The following TEX26 variants were observed in gnomAD, a reference collection of about 807,000 sequenced individuals.
TEX26 encodes the protein testis expressed 26.
A neutral mutation model predicts 35.3 loss-of-function variants in TEX26; 34 were observed. The observed-to-expected ratio is 0.96, with a 90% confidence interval of 0.73 to 1.28. The LOEUF (loss-of-function observed/expected upper bound fraction) is 1.28, where lower values mean the gene tolerates loss of function less well. TEX26 is among the 50% of genes most tolerant of loss of function. The probability of loss-of-function intolerance (pLI) is 0.00; values close to 1 mark genes in which losing one functional copy is unlikely to be tolerated. For synonymous variants in TEX26, 136 were observed against 111.8 expected (o/e 1.22, Z -1.36); for missense variants, 371 against 330.1 (o/e 1.12, Z -0.96).
chr13:30,955,157 A>G (rs551252917), intron 3 of TEX26, among the ~76,000 whole-genome samples: 50 of 152,340 alleles, frequency 3.3e-4, no homozygotes, highest in African/African-American at 1.2e-3. Flanking sequence ...ACTAACACTA[A>G]TGATAGCTGA....
At chr13:30,952,227 T>C (rs948924067) in intron 2 of TEX26, among the ~76,000 whole-genome samples, 2 of 152,044 alleles carry the variant, frequency 1.3e-5, no homozygotes, top group East Asian at 3.8e-4. Context: ...TGAGTGGACA[T>C]TGCTGGCCAT....
intron 4 of TEX26, among the ~76,000 whole-genome samples, chr13:30,957,883 C>T (rs1424320551): frequency 1.3e-5 from 2 of 152,292 alleles, no homozygotes; most frequent in South Asian, 2.1e-4. Context: ...GTCAGAGATA[C>T]GGGAGTAATA....
intron 4 of TEX26, among the ~76,000 whole-genome samples, chr13:30,958,638 A>G (rs949084769): frequency 6.6e-6 from 1 of 152,136 alleles, no homozygotes; most frequent in African/African-American, 2.4e-5. Context: ...GCCCCAACAG[A>G]ACCATCAATC....
intron 6 of TEX26, 147 bp from the exon 7 acceptor site, chr13:30,974,699 G>C: frequency 1.5e-6 from 1 of 652,854 alleles, no homozygotes; most frequent in Non-Finnish European, 2.5e-6. Flanking sequence ...TAGGTATTAG[G>C]TATAATAGCC....
At chr13:30,952,625 C>A (rs1663266354) in intron 2 of TEX26, 35 bp from the exon 3 acceptor site, 1 of 1,535,244 alleles carries the variant, frequency 6.5e-7, no homozygotes, top group African/African-American at 1.4e-5. Flanking sequence ...TGGTATTTAA[C>A]CTCTAACTCT....
chr13:30,973,329 A>T (rs772015008), intron 6 of TEX26: 2 of 152,224 alleles, frequency 1.3e-5, no homozygotes, highest in Non-Finnish European at 2.9e-5. Flanking sequence ...AACTGGGAAA[A>T]CTTATCTTTG....
chr13:30,944,674 A>G (rs1459080791), intron 2 of TEX26, among the ~76,000 whole-genome samples: 1 of 151,934 alleles, frequency 6.6e-6, no homozygotes, highest in Non-Finnish European at 1.5e-5. Flanking sequence ...GGGCTTTTTA[A>G]TTTCCATCTT....
At chr13:30,967,879 G>A (rs1395267930) in intron 5 of TEX26, among the ~76,000 whole-genome samples, 1 of 152,218 alleles carries the variant, frequency 6.6e-6, no homozygotes, top group African/African-American at 2.4e-5. Context: ...AATGAGCGAT[G>A]ACTGTAAACA....
chr13:30,968,127 A>G (rs764986429), intron 5 of TEX26, among the ~76,000 whole-genome samples: 1 of 152,200 alleles, frequency 6.6e-6, no homozygotes, highest in South Asian at 2.1e-4. Context: ...AAAGGAGAAA[A>G]GGCATATAAA....
chr13:30,968,652 C>T (rs372000750), intron 5 of TEX26, among the ~76,000 whole-genome samples: 19 of 152,256 alleles, frequency 1.2e-4, no homozygotes, highest in East Asian at 1.9e-4. Flanking sequence ...GGTCATTCTC[C>T]GATCACTGCC....
intron 4 of TEX26, among the ~76,000 whole-genome samples, chr13:30,959,269 C>T (rs1024754712): frequency 7.9e-5 from 12 of 152,226 alleles, no homozygotes; most frequent in African/African-American, 2.7e-4. Flanking sequence ...TACCCCGCCC[C>T]ATCCCTACTC....
At chr13:30,971,917 C>T (rs1954725283) in intron 6 of TEX26, among the ~76,000 whole-genome samples, 1 of 152,176 alleles carries the variant, frequency 6.6e-6, no homozygotes, top group Non-Finnish European at 1.5e-5. Flanking sequence ...ACTGAAACTC[C>T]CACAAATGGC....
At chr13:30,962,624 C>T (rs79398415) in intron 4 of TEX26, among the ~76,000 whole-genome samples, 1 of 152,318 alleles carries the variant, frequency 6.6e-6, no homozygotes, top group East Asian at 1.9e-4. Flanking sequence ...TTCTGAAGAA[C>T]AAGGGCCATG....
chr13:30,936,336 G>A (rs1011810528), intron 1 of TEX26, among the ~76,000 whole-genome samples: 14 of 152,300 alleles, frequency 9.2e-5, no homozygotes, highest in African/African-American at 3.4e-4. Context: ...TTGCTGACCT[G>A]TCATTAGCCA....
Position 30,942,672 on chromosome 13 carries a change from T to C in TEX26, c.146+2894T>C, listed in dbSNP as rs535724429. 2.6e-5 allele frequency among the ~76,000 whole-genome samples: 4 copies of C among 152,168 alleles called. No homozygotes were observed. In the East Asian group the frequency reaches 7.7e-4, roughly 29 times the overall value. On this transcript the variant is annotated intron_variant, in intron 2 of 6. Transcript: ENST00000380473. ...GTCTTATATTTAAGTCTTTTATCTG[T>C]CTTGAGTTGATTTTTATAAGGTGAG...
At chr13:30,948,960 G>A (rs904753099) in intron 2 of TEX26, among the ~76,000 whole-genome samples, 1 of 152,094 alleles carries the variant, frequency 6.6e-6, no homozygotes, top group African/African-American at 2.4e-5. Context: ...TCTACATATG[G>A]CTAGCCAGTT....
intron 2 of TEX26, among the ~76,000 whole-genome samples, chr13:30,945,210 T>C (rs923503306): frequency 5.3e-5 from 8 of 151,220 alleles, no homozygotes; most frequent in Non-Finnish European, 1.0e-4. Flanking sequence ...TTTCTTTGTC[T>C]TTTTTTTTAC....
chr13:30,966,436 T>TTA, intron 5 of TEX26, 38 bp downstream of exon 5: 1 of 459,776 alleles, frequency 2.2e-6, no homozygotes, highest in Non-Finnish European at 2.8e-6. Context: ...TTTTCTCTTT[T>TTA]TTTTTTTTTT....
rs773100776 is a variant in TEX26 at position 30,968,961 on chromosome 13, CA to C, written c.727del (p.Thr243ProfsTer6). 2.5e-6 allele frequency: 4 copies of C among 1,613,988 alleles called. No individual in the cohort carries two copies. Among genetic ancestry groups the C allele is most frequent in the Non-Finnish European group, 3.4e-6 (4 of 1,179,988 alleles). The stretch of plus-strand genomic sequence containing the variant: ...AGACCACATACCAAAGTGACTACGA[CA>C]AAACCTACCCAGATTTCTTAATGCT... Reference protein sequence around the residue: ...KQTTYQSDYDKTYPDFLMLLN... With the variant: ...KQTTYQSDYDXTYPDFLMLLN... On this transcript the variant is annotated frameshift_variant, in exon 6 of 7. Transcript: ENST00000380473. LOFTEE classifies it high-confidence loss of function.
Sources: gnomAD v4.1 joint callset for allele counts (sites outside exome capture counted in the v4.1 genomes callset) on GRCh38, gnomAD v4.1.1 for gene constraint, MANE v1.5 for transcripts, NCBI Gene and HGNC (gene_info 2026-07-23, HGNC 2026-07-21) for gene names.